The following NHSL2 variants were observed in gnomAD, a reference collection of about 807,000 sequenced individuals.
The protein encoded by NHSL2 is NHS-like protein 2.
In NHSL2, 27 loss-of-function variants were observed where a neutral mutation model predicts 53.4. That is an observed-to-expected ratio of 0.51 (90% CI 0.37 to 0.70). The LOEUF (loss-of-function observed/expected upper bound fraction) is 0.70, where lower values mean the gene tolerates loss of function less well. Ranked by LOEUF, NHSL2 falls within the 30% of genes least tolerant of loss-of-function variation. The probability of loss-of-function intolerance (pLI) is 0.00; values close to 1 mark genes in which losing one functional copy is unlikely to be tolerated. For synonymous variants in NHSL2, 408 were observed against 404.1 expected (o/e 1.01, Z -0.12); for missense variants, 892 against 980.1 (o/e 0.91, Z 1.20).
chrX:72,007,179 A>G (rs746899401), intron 1 of NHSL2, among the ~76,000 whole-genome samples: 1 of 112,520 alleles, frequency 8.9e-6, no homozygotes, highest in Admixed American at 9.3e-5. Flanking sequence ...AGATGCTGAG[A>G]GGATGAAAGA....
chrX:72,032,980 T>A (rs1041427850), intron 1 of NHSL2, among the ~76,000 whole-genome samples: 1 of 112,580 alleles, frequency 8.9e-6, no homozygotes, highest in Non-Finnish European at 1.9e-5. Context: ...ACAGTGTTGA[T>A]GAGTGTAGCT....
In NHSL2 at chrX:72,149,364, ATAG is replaced by A. The variant is rs1348432857; in HGVS notation, c.*5794_*5796del. 8.9e-6 allele frequency: 1 copy of A among 111,899 alleles called. No homozygotes were observed. The highest frequency in any genetic ancestry group is 3.7e-4 in the South Asian group (1 of 2,704). 9.2% of individuals were successfully genotyped at this position (111,899 alleles called of 1,213,427 possible). A position where few individuals can be genotyped will look rare whatever the true frequency, so the allele number is the denominator to read the frequency against. On this transcript the variant is annotated 3_prime_UTR_variant, in exon 8 of 8. Coordinates refer to ENST00000633930, the MANE Select transcript of NHSL2 (RefSeq NM_001013627.3). ...ATTTGATTTTAAGATTTTTGCCTAA[ATAG>A]TAGAATTTGATAGCAACGAACTCCA...
chrX:72,143,466 G>T lies in NHSL2; in HGVS notation c.3570G>T (p.Arg1190Ser). The T allele has an allele frequency of 1.7e-6, 2 of 1,166,035 alleles. No individual in the cohort carries two copies. ...AGAAGGGAAGTAAGGCAACTCCAAGGTCTCGTCCCTCAGCAGCTGAACTTC... is the reference window on the plus strand; with the variant it reads ...AGAAGGGAAGTAAGGCAACTCCAAGTTCTCGTCCCTCAGCAGCTGAACTTC... ...LQKKGSKATP[R>S]SRPSAAELLK... The change falls in exon 8 of 8, where the codon AGG becomes AGT. Residue 1190 changes from arginine to serine, a missense_variant. By Grantham distance (110) the Arg-to-Ser change is moderately radical. Coordinates refer to ENST00000633930, the MANE Select transcript of NHSL2 (RefSeq NM_001013627.3).
chrX:72,050,894 A>AC (rs1452683370), intron 1 of NHSL2, among the ~76,000 whole-genome samples: 13 of 108,776 alleles, frequency 1.2e-4, no homozygotes, highest in African/African-American at 4.5e-4. Context: ...ATCTATCAAA[A>AC]AAAAAAAAAC....
chrX:72,115,440 G>A (rs1335496533), intron 1 of NHSL2, among the ~76,000 whole-genome samples: 2 of 83,056 alleles, frequency 2.4e-5, no homozygotes, highest in Admixed American at 2.6e-4. Context: ...GCGGGGGGGG[G>A]GTGCGGGGGG....
At chrX:72,082,130 C>T (rs972520785) in intron 1 of NHSL2, among the ~76,000 whole-genome samples, 1 of 111,902 alleles carries the variant, frequency 8.9e-6, no homozygotes, top group Non-Finnish European at 1.9e-5. Flanking sequence ...TCATTAACCC[C>T]ATAGCTGAGA....
intron 1 of NHSL2, among the ~76,000 whole-genome samples, chrX:72,098,306 C>T (rs2041959140): frequency 8.9e-6 from 1 of 112,230 alleles, no homozygotes; most frequent in African/African-American, 3.2e-5. Flanking sequence ...GTTGGCCGGG[C>T]GCGGTGGCTC....
At chrX:71,988,691 G>A (rs975445997) in intron 1 of NHSL2, among the ~76,000 whole-genome samples, 1 of 111,208 alleles carries the variant, frequency 9.0e-6, no homozygotes, top group African/African-American at 3.3e-5. Context: ...TTGGGTTGGG[G>A]GTCTCCTCAG....
intron 1 of NHSL2, chrX:72,027,435 G>A (rs2042191430): frequency 9.0e-6 from 1 of 111,684 alleles, no homozygotes; most frequent in Non-Finnish European, 1.9e-5. Context: ...AGAGCCGCGG[G>A]GATCAGTTTC....
At chrX:72,047,488 G>A (rs1164689177) in intron 1 of NHSL2, among the ~76,000 whole-genome samples, 1 of 112,073 alleles carries the variant, frequency 8.9e-6, no homozygotes, top group Non-Finnish European at 1.9e-5. Flanking sequence ...GGAAGTTTAG[G>A]CAACAGCCAC....
Position 72,148,143 on chromosome X carries a change from T to C in NHSL2, c.*4569T>C, listed in dbSNP as rs1024540135. On this transcript the variant is annotated 3_prime_UTR_variant, in exon 8 of 8. Coordinates refer to ENST00000633930, the MANE Select transcript of NHSL2 (RefSeq NM_001013627.3). The stretch of plus-strand genomic sequence containing the variant: ...ACTGAGAAGGCCTAGATCATTCATA[T>C]TGTACATTGACATTTTTACATAAAT... The C allele has an allele frequency of 2.7e-5, 3 of 112,185 alleles. No individual in the cohort carries two copies. The highest frequency in any genetic ancestry group is 3.8e-5 in the Non-Finnish European group (2 of 53,282). The allele number at this position is 112,185 out of a possible 1,213,427, so 9.2% of individuals were successfully genotyped here.
chrX:72,076,282 G>A (rs762391895), intron 1 of NHSL2, among the ~76,000 whole-genome samples: 5 of 111,304 alleles, frequency 4.5e-5, no homozygotes, highest in Non-Finnish European at 9.4e-5. Flanking sequence ...TTTTTGCATG[G>A]CAACATTGAA....
chrX:72,131,151 C>A (rs770514001), intron 1 of NHSL2: 1 of 1,178,338 alleles, frequency 8.5e-7, no homozygotes, highest in Non-Finnish European at 1.1e-6. Flanking sequence ...GCGGAGGCAG[C>A]GCCGGCGGGG....
intron 1 of NHSL2, among the ~76,000 whole-genome samples, chrX:71,975,042 T>C (rs2147862046): frequency 8.9e-6 from 1 of 112,409 alleles, no homozygotes; most frequent in South Asian, 3.7e-4. Context: ...GTGTCTTGTT[T>C]GTGGACATCC....
intron 1 of NHSL2, among the ~76,000 whole-genome samples, chrX:72,049,831 C>A (rs1309979401): frequency 2.9e-5 from 3 of 102,953 alleles, no homozygotes; most frequent in African/African-American, 7.2e-5. Context: ...CTCCTCCCAT[C>A]CACCTCGTGT....
At position 72,146,492 on chromosome X, in the gene NHSL2, T is replaced by C. The variant is rs766914260; in HGVS notation, c.*2918T>C. ...CTACAATTACTAGTATAAATAATAA[T>C]GATAATAATTTTTGAAGGTGGAATA... On this transcript the variant is annotated 3_prime_UTR_variant, in exon 8 of 8. Transcript: ENST00000633930. The C allele has an allele frequency of 3.6e-5, 4 of 111,835 alleles. No individual in the cohort carries two copies. The highest frequency in any genetic ancestry group is 7.5e-5 in the Non-Finnish European group (4 of 53,179). The allele number at this position is 111,835 out of a possible 1,213,427, so 9.2% of individuals were successfully genotyped here.
At chrX:71,992,858 A>T (rs2042033591) in intron 1 of NHSL2, among the ~76,000 whole-genome samples, 1 of 111,752 alleles carries the variant, frequency 8.9e-6, no homozygotes, top group Non-Finnish European at 1.9e-5. Context: ...CCGTGAACAC[A>T]GCGGGACATG....
rs1437872730 is a variant in NHSL2, at chrX:72,143,299, G to A, written c.3403G>A (p.Val1135Met). 4.3e-6 allele frequency: 5 copies of A among 1,166,556 alleles called. No individual in the cohort carries two copies. Among genetic ancestry groups the A allele is most frequent in the Non-Finnish European group, 5.7e-6 (5 of 872,259 alleles). The stretch of plus-strand genomic sequence containing the variant: ...CTGGAAGGAACCTGGTGAGGCCTTT[G>A]TGGGTGGCAGAACGAGTTCCCACTC... Reference protein sequence around the residue: ...LGWKEPGEAFVGGRTSSHSPI... With the variant: ...LGWKEPGEAFMGGRTSSHSPI... Residue 1135 changes from valine to methionine, a missense_variant, in exon 8 of 8, where the codon GTG (valine) becomes ATG (methionine). Transcript: ENST00000633930.
At chrX:71,996,919 G>A (rs969357162) in intron 1 of NHSL2, among the ~76,000 whole-genome samples, 1 of 112,523 alleles carries the variant, frequency 8.9e-6, no homozygotes, top group Admixed American at 9.4e-5. Context: ...GGAGGGAGGC[G>A]CCTTCCCGTC....
Sources: allele counts gnomAD v4.1 joint callset (sites outside exome capture counted in the v4.1 genomes callset), GRCh38; gene constraint gnomAD v4.1.1; transcripts MANE v1.5; gene names NCBI Gene and HGNC (gene_info 2026-07-23, HGNC 2026-07-21).